The following SEMA6D variants were observed in gnomAD, a reference collection of about 807,000 sequenced individuals.
SEMA6D encodes the protein semaphorin 6D.
In SEMA6D, 35 loss-of-function variants were observed where a neutral mutation model predicts 106.6. That is an observed-to-expected ratio of 0.33 (90% CI 0.25 to 0.44). The LOEUF is 0.44. SEMA6D is among the 20% of genes least tolerant of loss of function. The probability of loss-of-function intolerance (pLI) is 1.00; values close to 1 mark genes in which losing one functional copy is unlikely to be tolerated. For synonymous variants in SEMA6D, 499 were observed against 487.7 expected, an observed-to-expected ratio of 1.02 and a Z score of -0.31; for missense variants, 1,185 against 1,345.9, an observed-to-expected ratio of 0.88 and a Z score of 1.87.
intron 1 of SEMA6D, among the ~76,000 whole-genome samples, chr15:47,367,686 GCGCGCGCACACA>G (rs1256118374): frequency 1.4e-4 from 6 of 42,070 alleles, no homozygotes; most frequent in African/African-American, 5.5e-4. Context: ...ACACGCGCGC[GCGCGCGCACACA>G]CACACACACA....
intron 3 of SEMA6D, among the ~76,000 whole-genome samples, chr15:47,597,801 TGATG>T (rs1277503440): frequency 2.7e-5 from 4 of 150,932 alleles, no homozygotes; most frequent in Non-Finnish European, 5.9e-5. Context: ...CTATTTAAGT[TGATG>T]GATATGAAAT....
chr15:47,758,162 A>G (rs925413776), intron 1 of SEMA6D, among the ~76,000 whole-genome samples: 1 of 152,162 alleles, frequency 6.6e-6, no homozygotes, highest in African/African-American at 2.4e-5. Flanking sequence ...CTGCTGCAAT[A>G]TATTATTCTC....
intron 4 of SEMA6D, among the ~76,000 whole-genome samples, chr15:47,678,673 C>A (rs1444881647): frequency 6.6e-6 from 1 of 151,400 alleles, no homozygotes; most frequent in Non-Finnish European, 1.5e-5. Flanking sequence ...AGCACATTTT[C>A]TATTCCCCTT....
intron 3 of SEMA6D, among the ~76,000 whole-genome samples, chr15:47,508,368 T>C (rs1303425010): frequency 1.3e-5 from 2 of 152,228 alleles, no homozygotes; most frequent in African/African-American, 2.4e-5. Context: ...ATGTTCAGTA[T>C]GGTTTGTGAT....
chr15:47,219,441 T>C (rs1052658027), intron 1 of SEMA6D, among the ~76,000 whole-genome samples: 1 of 152,204 alleles, frequency 6.6e-6, no homozygotes, highest in East Asian at 1.9e-4. Flanking sequence ...GGGTTTCTTA[T>C]TGCCTTTTTC....
In SEMA6D at chr15:47,312,234, T is replaced by A. The variant is rs569625373; in HGVS notation, c.-238-100159T>A. ...ACAGCGATAGCTCCTTCTGTCTTTT[T>A]GTGTTTAGTCTCTTCCTGTCTCCAT... On this transcript the variant is annotated intron_variant, in intron 1 of 19. Coordinates refer to the SEMA6D transcript ENST00000558014. Among the ~76,000 whole-genome samples the A allele has an allele frequency of 5.3e-5, 8 of 152,224 alleles. No individual in the cohort carries two copies. In the South Asian group the frequency reaches 1.0e-3, roughly 20 times the overall value.
intron 1 of SEMA6D, among the ~76,000 whole-genome samples, chr15:47,211,103 G>T (rs1402110852): frequency 6.6e-6 from 1 of 152,172 alleles, no homozygotes; most frequent in East Asian, 1.9e-4. Context: ...AGTTTTGTGT[G>T]TGTGATGCCT....
intron 1 of SEMA6D, among the ~76,000 whole-genome samples, chr15:47,328,837 A>G (rs1048910029): frequency 6.6e-6 from 1 of 152,172 alleles, no homozygotes; most frequent in Non-Finnish European, 1.5e-5. Context: ...GTTGGGGAAA[A>G]CAGTCTTATA....
intron 1 of SEMA6D, among the ~76,000 whole-genome samples, chr15:47,731,311 T>G (rs923680303): frequency 2.8e-5 from 4 of 141,182 alleles, no homozygotes; most frequent in African/African-American, 7.3e-5. Context: ...AAAGAGCCAC[T>G]GCCCCCCCGC....
intron 2 of SEMA6D, among the ~76,000 whole-genome samples, chr15:47,431,656 T>TATGA: frequency 6.6e-6 from 1 of 152,140 alleles, no homozygotes; most frequent in African/African-American, 2.4e-5. Flanking sequence ...AGGTCTAGCA[T>TATGA]GTGCATATGA....
chr15:47,754,209 T>C (rs1372088459), intron 1 of SEMA6D, among the ~76,000 whole-genome samples: 2 of 152,120 alleles, frequency 1.3e-5, no homozygotes, highest in Non-Finnish European at 2.9e-5. Flanking sequence ...CTAGGCGACA[T>C]AGTGAGACCT....
chr15:47,350,187 AGATTAGT>A (rs1380302895), intron 1 of SEMA6D, among the ~76,000 whole-genome samples: 1 of 56,764 alleles, frequency 1.8e-5, no homozygotes, highest in Non-Finnish European at 6.9e-5. Context: ...AACTGCTCTT[AGATTAGT>A]ACACTATCAA....
chr15:47,569,264 C>A (rs2046314758), intron 3 of SEMA6D, among the ~76,000 whole-genome samples: 1 of 152,024 alleles, frequency 6.6e-6, no homozygotes, highest in African/African-American at 2.4e-5. Context: ...ATCTGCATTC[C>A]ACCTGGCTGC....
chr15:47,345,120 A>C (rs1360248508), intron 1 of SEMA6D, among the ~76,000 whole-genome samples: 1 of 152,204 alleles, frequency 6.6e-6, no homozygotes, highest in Non-Finnish European at 1.5e-5. Flanking sequence ...GGGTTGGAAG[A>C]CTATTTATTA....
intron 1 of SEMA6D, among the ~76,000 whole-genome samples, chr15:47,234,775 T>A (rs985994841): frequency 2.6e-5 from 4 of 152,112 alleles, no homozygotes; most frequent in African/African-American, 9.7e-5. Flanking sequence ...TGGCTCCATA[T>A]CTTTGCAATT....
intron 1 of SEMA6D, among the ~76,000 whole-genome samples, chr15:47,365,965 A>C (rs1012102092): frequency 6.6e-6 from 1 of 151,870 alleles, no homozygotes; most frequent in Non-Finnish European, 1.5e-5. Flanking sequence ...AAAAGAAAGA[A>C]AGAAAGAAAC....
intron 3 of SEMA6D, among the ~76,000 whole-genome samples, chr15:47,565,996 A>G (rs576870543): frequency 1.4e-4 from 21 of 152,350 alleles, no homozygotes; most frequent in African/African-American, 5.1e-4. Context: ...GAATCTAATC[A>G]TGTAATAAAA....
chr15:47,688,484 A>G (rs901079030), intron 4 of SEMA6D, among the ~76,000 whole-genome samples: 2 of 152,234 alleles, frequency 1.3e-5, no homozygotes, highest in Non-Finnish European at 2.9e-5. Flanking sequence ...TTCAACAATT[A>G]TTATTGAAGG....
At chr15:47,426,815 A>T (rs1420306920) in intron 2 of SEMA6D, among the ~76,000 whole-genome samples, 3 of 152,118 alleles carry the variant, frequency 2.0e-5, no homozygotes, top group Non-Finnish European at 4.4e-5. Flanking sequence ...GCTGCTGTGA[A>T]TTTTTATTCT....
Sources: allele counts gnomAD v4.1 joint callset (sites outside exome capture counted in the v4.1 genomes callset), GRCh38; gene constraint gnomAD v4.1.1; transcripts MANE v1.5; gene names NCBI Gene and HGNC (gene_info 2026-07-23, HGNC 2026-07-21).